CCT6B: variants seen among roughly 807,000 people sequenced by gnomAD.
The protein encoded by CCT6B is chaperonin containing TCP1 subunit 6B.
In CCT6B, 49 loss-of-function variants were observed where a neutral mutation model predicts 61.5. The observed-to-expected ratio is 0.80, with a 90% CI of 0.63 to 1.01. CCT6B has a LOEUF of 1.01. Among genes scored for constraint, CCT6B ranks in the 50% least tolerant of loss-of-function variants. The probability of loss-of-function intolerance (pLI) is 0.00; values close to 1 mark genes in which losing one functional copy is unlikely to be tolerated. For synonymous variants in CCT6B, 228 were observed against 214.5 expected, an observed-to-expected ratio of 1.06 and a Z score of -0.55; for missense variants, 666 against 634.7, an observed-to-expected ratio of 1.05 and a Z score of -0.53.
intron 5 of CCT6B, chr17:34,943,738 C>T (rs528208829): frequency 6.7e-6 from 1 of 149,830 alleles, no homozygotes; most frequent in South Asian, 2.1e-4. Flanking sequence ...ACGTTGTGCA[C>T]ATGTACTCTA....
chr17:34,952,825 G>A, intron 4 of CCT6B, among the ~76,000 whole-genome samples: 1 of 152,290 alleles, frequency 6.6e-6, no homozygotes, highest in East Asian at 1.9e-4. Flanking sequence ...TGCCTGAGGT[G>A]ACATAATATT....
At chr17:34,946,450 A>G (rs1248795061) in intron 5 of CCT6B, among the ~76,000 whole-genome samples, 1 of 152,202 alleles carries the variant, frequency 6.6e-6, no homozygotes, top group African/African-American at 2.4e-5. Flanking sequence ...ATTTGCAAGG[A>G]ATAGAACACC....
chr17:34,939,314 G>A lies in CCT6B; in HGVS notation c.1082C>T (p.Thr361Ile). 20 of 1,612,856 alleles carry A rather than the reference G, an allele frequency of 1.2e-5. No individual in the cohort carries two copies. The highest frequency in any genetic ancestry group is 1.7e-5 in the Non-Finnish European group (20 of 1,179,388). Residue 361 changes from threonine (T) to isoleucine (I), a missense_variant, in exon 10 of 14, where the codon ACT (threonine) becomes ATT (isoleucine). Thr to Ile is a moderately conservative substitution (Grantham distance 89). Coordinates refer to ENST00000314144, the MANE Select transcript of CCT6B (RefSeq NM_006584.4). ...YEYTLGEEKFTFIEECVNPCS... is the reference protein window; with the variant it reads ...YEYTLGEEKFIFIEECVNPCS... ...AGGGTTAACACACTCCTCAATAAAA[G>A]TGAACTTTTCTTCACCCTAAAGGGT... is the stretch of plus-strand genomic sequence containing the variant.
chr17:34,951,925 T>C, intron 5 of CCT6B, 25 bp downstream of exon 5: 1 of 1,165,494 alleles, frequency 8.6e-7, no homozygotes. Flanking sequence ...AGAACCCATA[T>C]GTTGTCAAAG....
intron 10 of CCT6B, among the ~76,000 whole-genome samples, chr17:34,934,596 C>G (rs2090074055): frequency 6.6e-6 from 1 of 152,148 alleles, no homozygotes; most frequent in Non-Finnish European, 1.5e-5. Flanking sequence ...CTACAAACCA[C>G]TAAAGCTCAC....
At chr17:34,940,159 A>T (rs1360562619) in intron 8 of CCT6B, among the ~76,000 whole-genome samples, 1 of 152,100 alleles carries the variant, frequency 6.6e-6, no homozygotes, top group Non-Finnish European at 1.5e-5. Context: ...CCTTTGACCC[A>T]CATATTCCCA....
At chr17:34,959,179 C>G (rs1042054605) in intron 2 of CCT6B, among the ~76,000 whole-genome samples, 1 of 136,354 alleles carries the variant, frequency 7.3e-6, no homozygotes, top group Non-Finnish European at 1.5e-5. Context: ...GGCTGGAGTG[C>G]AATGGCACAA....
intron 10 of CCT6B, among the ~76,000 whole-genome samples, chr17:34,933,189 G>C (rs1430171034): frequency 6.6e-6 from 1 of 152,140 alleles, no homozygotes; most frequent in African/African-American, 2.4e-5. Context: ...GTTTTTGATA[G>C]GGAATTCTTG....
intron 1 of CCT6B, 57 bp from the exon 2 acceptor site, chr17:34,959,707 G>C (rs1482858279): frequency 2.5e-6 from 3 of 1,214,194 alleles, no homozygotes; most frequent in African/African-American, 1.5e-5. Flanking sequence ...CCCAGTGCTT[G>C]CCACTCCATT....
intron 5 of CCT6B, chr17:34,943,192 A>C (rs1427150364): frequency 4.3e-6 from 1 of 232,908 alleles, no homozygotes; most frequent in African/African-American, 2.3e-5. Flanking sequence ...CCTTGCATTG[A>C]CTTTAAACCT....
chr17:34,958,397 T>C (rs979613182), intron 3 of CCT6B, among the ~76,000 whole-genome samples, 163 bp downstream of exon 3: 13 of 152,184 alleles, frequency 8.5e-5, no homozygotes, highest in Non-Finnish European at 1.8e-4. Flanking sequence ...TGAGCCAAGA[T>C]TCTGCCACTG....
chr17:34,928,205 T>C, intron 13 of CCT6B, 88 bp from the exon 14 acceptor site: 2 of 706,396 alleles, frequency 2.8e-6, no homozygotes, highest in Middle Eastern at 2.5e-4. Context: ...TAGGGTACTT[T>C]GTTCTTTAAT....
At chr17:34,950,525 C>T (rs1288424312) in intron 5 of CCT6B, among the ~76,000 whole-genome samples, 4 of 152,078 alleles carry the variant, frequency 2.6e-5, no homozygotes, top group Non-Finnish European at 5.9e-5. Context: ...ACACTTTATA[C>T]CAAAAATTTC....
In CCT6B at chr17:34,931,043, A is replaced by C. The variant is rs111371395; in HGVS notation, c.1356T>G (p.Ala452=). The C allele has an allele frequency of 6.6e-7, 1 of 1,513,426 alleles. No homozygotes were observed. The highest frequency in any genetic ancestry group is 9.0e-7 in the Non-Finnish European group (1 of 1,107,074). 93.7% of individuals were successfully genotyped at this position (1,513,426 alleles called of 1,614,324 possible). ...DALLIIPKVL[A]QNAGYDPQET... ...CCTGTGGGTCATAACCAGCATTCTG[A>C]GCAAGAACCTTTAGGAATAAAAATA... is the stretch of plus-strand genomic sequence containing the variant. The change falls in exon 12 of 14, where the codon GCT becomes GCG. Residue 452 remains alanine (A), a synonymous_variant. Transcript: ENST00000314144.
At chr17:34,935,342 C>A (rs2090081993) in intron 10 of CCT6B, among the ~76,000 whole-genome samples, 1 of 152,058 alleles carries the variant, frequency 6.6e-6, no homozygotes, top group Non-Finnish European at 1.5e-5. Flanking sequence ...AATGGTTAGA[C>A]AACATTGTGA....
chr17:34,951,743 A>T (rs901639949), intron 5 of CCT6B, among the ~76,000 whole-genome samples: 31 of 151,918 alleles, frequency 2.0e-4, no homozygotes, highest in African/African-American at 7.3e-4. Context: ...CACACACATG[A>T]TTTTTTTTCT....
Position 34,939,712 on chromosome 17 carries a change from G to T in CCT6B, c.970C>A (p.Leu324Ile). ...GCCATTCCACCACAAGCAAGAGAGAGTCTGAAATTACATATATGTCACCAT... is the reference window on the plus strand; with the variant it reads ...GCCATTCCACCACAAGCAAGAGAGATTCTGAAATTACATATATGTCACCAT... ...RRAKRRNMER[L>I]SLACGGMAVN... is the part of the protein sequence containing the mutation. The change falls in exon 9 of 14, where the codon CTC (leucine) becomes ATC (isoleucine). Residue 324 changes from leucine (L) to isoleucine (I), a missense_variant and splice_region_variant. Leu to Ile is a conservative substitution (Grantham distance 5). Coordinates refer to ENST00000314144, the MANE Select transcript of CCT6B (RefSeq NM_006584.4). The T allele has an allele frequency of 6.2e-7, 1 of 1,600,188 alleles. No individual in the cohort carries two copies. The highest frequency in any genetic ancestry group is 8.6e-7 in the Non-Finnish European group (1 of 1,167,498).
At chr17:34,945,333 A>G (rs972357223) in intron 5 of CCT6B, among the ~76,000 whole-genome samples, 1 of 152,166 alleles carries the variant, frequency 6.6e-6, no homozygotes, top group Non-Finnish European at 1.5e-5. Flanking sequence ...CAACATCTCC[A>G]TATGGATGCC....
intron 5 of CCT6B, among the ~76,000 whole-genome samples, chr17:34,946,283 T>A (rs1567669258): frequency 6.6e-6 from 1 of 152,082 alleles, no homozygotes. Context: ...TCAAGCACAA[T>A]GAATGGCACA....
Sources: gnomAD v4.1 joint callset for allele counts (sites outside exome capture counted in the v4.1 genomes callset) on GRCh38, gnomAD v4.1.1 for gene constraint, MANE v1.5 for transcripts, NCBI Gene and HGNC (gene_info 2026-07-23, HGNC 2026-07-21) for gene names.